Variants in TYW1 observed in about 807,000 individuals in gnomAD.
TYW1 encodes the protein S-adenosyl-L-methionine-dependent tRNA 4-demethylwyosine synthase TYW1.
A neutral mutation model predicts 96.2 loss-of-function variants in TYW1; 46 were observed. The observed-to-expected ratio is 0.48, with a 90% CI of 0.38 to 0.61. The LOEUF is 0.61. Ranked by LOEUF, TYW1 falls within the 20% of genes least tolerant of loss-of-function variation. The pLI is 0.00. For synonymous variants in TYW1, 274 were observed against 323.0 expected (o/e 0.85, Z 1.63); for missense variants, 684 against 909.6 (o/e 0.75, Z 3.19).
At chr7:66,998,015 C>T in intron 1 of TYW1, 50 bp from the exon 2 acceptor site, 2 of 1,518,358 alleles carry the variant, frequency 1.3e-6, no homozygotes, top group African/African-American at 1.4e-5. Context: ...GGATGGATAT[C>T]TTTGTATATG....
chr7:67,236,451 T>C (rs1271608365), intron 15 of TYW1, among the ~76,000 whole-genome samples: 1 of 152,098 alleles, frequency 6.6e-6, no homozygotes. Context: ...GGAGAATCGA[T>C]GGAGGTGGTG....
chr7:67,153,933 T>TC (rs1397297319), intron 13 of TYW1, among the ~76,000 whole-genome samples: 1 of 149,478 alleles, frequency 6.7e-6, no homozygotes, highest in East Asian at 2.0e-4. Context: ...TTCTTTTTTT[T>TC]TTTTTTTTTT....
chr7:67,151,604 A>C (rs1046685445), intron 13 of TYW1, among the ~76,000 whole-genome samples: 3 of 152,208 alleles, frequency 2.0e-5, no homozygotes, highest in African/African-American at 7.2e-5. Flanking sequence ...AAGCAGTAGC[A>C]GGATTTTGCA....
intron 13 of TYW1, among the ~76,000 whole-genome samples, chr7:67,147,928 A>G (rs1160851078): frequency 6.8e-6 from 1 of 146,682 alleles, no homozygotes; most frequent in East Asian, 1.9e-4. Context: ...AGGTAAAAGA[A>G]AAAATAAATT....
chr7:67,099,943 A>G (rs34607940), intron 12 of TYW1, among the ~76,000 whole-genome samples: 2 of 152,160 alleles, frequency 1.3e-5, no homozygotes, highest in Admixed American at 6.5e-5. Flanking sequence ...CGGAGGTTTC[A>G]GTGAGCCGAG....
chr7:67,012,046 A>C (rs1793822202), intron 4 of TYW1, among the ~76,000 whole-genome samples: 1 of 151,248 alleles, frequency 6.6e-6, no homozygotes, highest in Admixed American at 6.6e-5. Flanking sequence ...GTTGCACTAA[A>C]ACTTTCTTTA....
At chr7:67,183,341 G>A in intron 14 of TYW1, 105 bp downstream of exon 14, 1 of 903,358 alleles carries the variant, frequency 1.1e-6, no homozygotes. Flanking sequence ...GAGGTCCCAG[G>A]AATTTTATTG....
intron 10 of TYW1, 62 bp downstream of exon 10, chr7:67,067,465 C>G (rs1795901507): frequency 1.9e-6 from 3 of 1,574,110 alleles, no homozygotes; most frequent in African/African-American, 2.7e-5. Context: ...ATCAATCTGC[C>G]CAGCTCACAC....
At chr7:67,172,789 C>T (rs1799555639) in intron 13 of TYW1, among the ~76,000 whole-genome samples, 1 of 152,080 alleles carries the variant, frequency 6.6e-6, no homozygotes, top group African/African-American at 2.4e-5. Flanking sequence ...TCTCTTCAGT[C>T]TTTCCTATGT....
chr7:67,234,809 G>A (rs1175638071), intron 15 of TYW1, among the ~76,000 whole-genome samples: 2 of 152,122 alleles, frequency 1.3e-5, no homozygotes, highest in Non-Finnish European at 2.9e-5. Context: ...TTAGAAGTGA[G>A]GAAGTTGGTT....
chr7:67,134,947 A>G (rs899076875), intron 13 of TYW1, among the ~76,000 whole-genome samples: 2 of 63,152 alleles, frequency 3.2e-5, no homozygotes, highest in Non-Finnish European at 6.8e-5. Context: ...TTCTCTACCA[A>G]AAAAAAAAAA....
chr7:67,010,149 A>AT (rs1048374476), intron 4 of TYW1, among the ~76,000 whole-genome samples: 27 of 150,840 alleles, frequency 1.8e-4, no homozygotes, highest in African/African-American at 6.1e-4. Flanking sequence ...TGCCCAGCTA[A>AT]TTTTTTTTGT....
At chr7:67,116,214 T>C (rs1267722830) in intron 12 of TYW1, among the ~76,000 whole-genome samples, 1 of 151,392 alleles carries the variant, frequency 6.6e-6, no homozygotes, top group Non-Finnish European at 1.5e-5. Context: ...TAATCCCAGC[T>C]ACTTAGGAGA....
At chr7:67,154,295 A>G (rs896209019) in intron 13 of TYW1, among the ~76,000 whole-genome samples, 2 of 152,190 alleles carry the variant, frequency 1.3e-5, no homozygotes, top group African/African-American at 4.8e-5. Flanking sequence ...TTATTTTTCA[A>G]TAAACTTGTA....
intron 10 of TYW1, among the ~76,000 whole-genome samples, chr7:67,069,469 T>C (rs979578554): frequency 6.6e-6 from 1 of 152,202 alleles, no homozygotes; most frequent in Non-Finnish European, 1.5e-5. Flanking sequence ...CCAGGTGCAG[T>C]GGCTTATGCC....
intron 7 of TYW1, among the ~76,000 whole-genome samples, chr7:67,043,740 G>A (rs1795099428): frequency 6.6e-6 from 1 of 152,176 alleles, no homozygotes; most frequent in African/African-American, 2.4e-5. Context: ...ACTTAGCAAT[G>A]AGTCCCCATG....
intron 15 of TYW1, among the ~76,000 whole-genome samples, chr7:67,219,013 T>C (rs1008408934): frequency 1.3e-5 from 2 of 152,246 alleles, no homozygotes; most frequent in Admixed American, 1.3e-4. Context: ...TGTTTTACTA[T>C]TGAGTATGAT....
intron 13 of TYW1, among the ~76,000 whole-genome samples, chr7:67,119,614 T>A (rs1374257939): frequency 6.6e-6 from 1 of 152,198 alleles, no homozygotes; most frequent in East Asian, 1.9e-4. Context: ...TACTGCAAAG[T>A]CTTTTCTGAT....
At chr7:67,102,173 C>T (rs1209083916) in intron 12 of TYW1, among the ~76,000 whole-genome samples, 1 of 152,084 alleles carries the variant, frequency 6.6e-6, no homozygotes, top group Non-Finnish European at 1.5e-5. Context: ...AAATGATAAC[C>T]AGAGAAGATG....
Sources: allele counts gnomAD v4.1 joint callset (sites outside exome capture counted in the v4.1 genomes callset), GRCh38; gene constraint gnomAD v4.1.1; transcripts MANE v1.5; gene names NCBI Gene and HGNC (gene_info 2026-07-23, HGNC 2026-07-21).